The following ABCG2 variants were observed in gnomAD, a reference collection of about 807,000 sequenced individuals.
The protein encoded by ABCG2 is broad substrate specificity ATP-binding cassette transporter ABCG2.
A neutral mutation model predicts 73.5 loss-of-function variants in ABCG2; 80 were observed. The ratio of observed to expected loss-of-function variants is 1.09; its 90% CI spans 0.91 to 1.31. The LOEUF is 1.31. ABCG2 is among the 50% of genes most tolerant of loss of function. The pLI, the probability that ABCG2 is intolerant of heterozygous loss-of-function variation, is 0.00. For synonymous variants in ABCG2, 269 were observed against 282.4 expected (o/e 0.95, Z 0.48); for missense variants, 796 against 786.2 (o/e 1.01, Z -0.15).
chr4:88,113,637 G>C, intron 8 of ABCG2, 84 bp from the exon 9 acceptor site: 1 of 1,511,502 alleles, frequency 6.6e-7, no homozygotes, highest in Non-Finnish European at 9.0e-7. Context: ...TTTCTTGGAT[G>C]CTTCCCTAAC....
At chr4:88,202,354 T>TATATATACATA in intron 1 of ABCG2, among the ~76,000 whole-genome samples, 1 of 62,080 alleles carries the variant, frequency 1.6e-5, no homozygotes, top group Non-Finnish European at 3.2e-5. Context: ...CTACAATTAT[T>TATATATACATA]TATATATATA....
chr4:88,162,183 C>T (rs185832097), upstream of ABCG2, among the ~76,000 whole-genome samples: 10 of 151,942 alleles, frequency 6.6e-5, no homozygotes, highest in East Asian at 1.9e-3. Context: ...AGACCCCACT[C>T]TAAAGAAAAA....
chr4:88,144,981 TGCAC>T (rs747607193), intron 1 of ABCG2, among the ~76,000 whole-genome samples: 2 of 148,698 alleles, frequency 1.3e-5, no homozygotes, highest in Admixed American at 6.7e-5. Context: ...AAAAAAAAAG[TGCAC>T]AGGTAGAGCC....
chr4:88,217,085 C>T (rs989748165), intron 1 of ABCG2, among the ~76,000 whole-genome samples: 3 of 151,962 alleles, frequency 2.0e-5, no homozygotes, highest in African/African-American at 7.3e-5. Context: ...AGAGCTTCTA[C>T]TAATACCACT....
At chr4:88,141,119 T>C (rs1442437127) in intron 1 of ABCG2, among the ~76,000 whole-genome samples, 1 of 152,178 alleles carries the variant, frequency 6.6e-6, no homozygotes, top group Non-Finnish European at 1.5e-5. Flanking sequence ...ACGAACTTTC[T>C]CTCTGCCTAT....
intron 1 of ABCG2, among the ~76,000 whole-genome samples, chr4:88,230,312 TTTTTTTGGCC>T (rs1291682291): frequency 4.2e-4 from 49 of 116,038 alleles, no homozygotes; most frequent in South Asian, 8.6e-4. Flanking sequence ...TATATATTTT[TTTTTTTGGCC>T]ACATATATAT....
intron 1 of ABCG2, among the ~76,000 whole-genome samples, chr4:88,153,109 C>T (rs1455543566): frequency 6.6e-6 from 1 of 152,136 alleles, no homozygotes; most frequent in African/African-American, 2.4e-5. Flanking sequence ...CAGCATAGCC[C>T]TGCCAGCAAA....
intron 1 of ABCG2, among the ~76,000 whole-genome samples, chr4:88,182,463 C>T (rs1728294802): frequency 6.6e-6 from 1 of 152,134 alleles, no homozygotes; most frequent in Non-Finnish European, 1.5e-5. Context: ...TTCTCCTCAG[C>T]CATGGATCTT....
At chr4:88,106,087 A>T (rs2109992930) in intron 10 of ABCG2, among the ~76,000 whole-genome samples, 1 of 152,318 alleles carries the variant, frequency 6.6e-6, no homozygotes, top group South Asian at 2.1e-4. Flanking sequence ...AGAAATTCTA[A>T]TTCTGGGTAT....
upstream of ABCG2, chr4:88,163,863 T>C (rs1727411212): frequency 5.6e-6 from 1 of 178,926 alleles, no homozygotes; most frequent in Non-Finnish European, 1.2e-5. Flanking sequence ...GTAATGAGGG[T>C]AAAGAATCAC....
chr4:88,216,399 A>C (rs898001788), intron 1 of ABCG2, among the ~76,000 whole-genome samples: 2 of 152,240 alleles, frequency 1.3e-5, no homozygotes, highest in Admixed American at 6.5e-5. Context: ...CTCAAAAATC[A>C]AATGATCAAG....
rs1721858870 is a variant in ABCG2, at chr4:88,094,579, T to G, written c.1818A>C (p.Ala606=). 2.5e-6 allele frequency: 4 copies of G among 1,613,132 alleles called. No individual in the cohort carries two copies. The highest frequency in any genetic ancestry group is 3.4e-6 in the Non-Finnish European group (4 of 1,179,166). ...TTTGACACTGAACAAAAACTTACGT[T>G]GCATAGTTACAAGGATTGTTTCCTG... ...NATGNNPCNY[A]TCTGEEYLVK... The change falls in exon 15 of 16, where the codon GCA becomes GCC. Residue 606 remains alanine, a splice_region_variant and synonymous_variant. Transcript: ENST00000237612.
At chr4:88,155,721 A>G (rs898457890) in intron 1 of ABCG2, among the ~76,000 whole-genome samples, 1 of 152,154 alleles carries the variant, frequency 6.6e-6, no homozygotes, top group African/African-American at 2.4e-5. Flanking sequence ...CCTGGCCAAC[A>G]TGGCAAAACC....
chr4:88,130,311 C>T (rs577263626), intron 5 of ABCG2, among the ~76,000 whole-genome samples: 6 of 151,792 alleles, frequency 4.0e-5, no homozygotes, highest in South Asian at 2.1e-4. Context: ...ACTGCATGTA[C>T]GAGGATCTAA....
At chr4:88,097,296 T>C (rs958936361) in intron 13 of ABCG2, among the ~76,000 whole-genome samples, 157 bp downstream of exon 13, 2 of 152,230 alleles carry the variant, frequency 1.3e-5, no homozygotes, top group African/African-American at 2.4e-5. Flanking sequence ...AAAGTTAGTA[T>C]ATTCTCTAAC....
At chr4:88,110,457 T>G (rs1277350329) in intron 9 of ABCG2, among the ~76,000 whole-genome samples, 1 of 151,916 alleles carries the variant, frequency 6.6e-6, no homozygotes, top group Non-Finnish European at 1.5e-5. Context: ...GCAGGAGAAT[T>G]GCTTGAACCC....
chr4:88,128,650 T>C (rs1292583150), intron 5 of ABCG2, among the ~76,000 whole-genome samples: 1 of 152,082 alleles, frequency 6.6e-6, no homozygotes, highest in African/African-American at 2.4e-5. Flanking sequence ...AAACCATCAT[T>C]CTCAGCAAAC....
At chr4:88,137,047 A>AAATAAAATAAAATAAAATAAAATAT (rs1475145564) in intron 2 of ABCG2, among the ~76,000 whole-genome samples, 1 of 151,036 alleles carries the variant, frequency 6.6e-6, no homozygotes, top group African/African-American at 2.4e-5. Context: ...AAATAAAATA[A>AAATAAAATAAAATAAAATAAAATAT]AATAAAATAA....
intron 15 of ABCG2, among the ~76,000 whole-genome samples, chr4:88,093,243 T>C (rs1721756531): frequency 6.6e-6 from 1 of 152,172 alleles, no homozygotes; most frequent in African/African-American, 2.4e-5. Context: ...CAGTGGCTCA[T>C]GCCTGTAATC....
Sources: allele counts gnomAD v4.1 joint callset (sites outside exome capture counted in the v4.1 genomes callset), GRCh38; gene constraint gnomAD v4.1.1; transcripts MANE v1.5; gene names NCBI Gene and HGNC (gene_info 2026-07-23, HGNC 2026-07-21).